SPG7: variants seen among roughly 807,000 people sequenced by gnomAD.
The protein encoded by SPG7 is SPG7 matrix AAA peptidase subunit, paraplegin.
A neutral mutation model predicts 81.9 loss-of-function variants in SPG7; 103 were observed. The observed-to-expected ratio is 1.26, with a 90% CI of 1.07 to 1.48. The LOEUF is 1.48. SPG7 is among the 40% of genes most tolerant of loss of function. The pLI, the probability that SPG7 is intolerant of heterozygous loss-of-function variation, is 0.00. For missense variants in SPG7, 1,241 were observed against 1,087.3 expected (o/e 1.14, Z -1.99); for synonymous variants, 534 against 444.2 (o/e 1.20, Z -2.54).
intron 4 of SPG7, among the ~76,000 whole-genome samples, chr16:89,525,664 G>A (rs974313979): frequency 3.3e-5 from 5 of 152,172 alleles, no homozygotes; most frequent in African/African-American, 4.8e-5. Flanking sequence ...TTAGGAAAAC[G>A]CTGCGTTTGG....
At chr16:89,523,719 T>A (rs2058222323) in intron 3 of SPG7, 4 of 539,918 alleles carry the variant, frequency 7.4e-6, no homozygotes, top group South Asian at 6.1e-5. Context: ...TGCACCGTTG[T>A]GCCCAGGTCT....
At chr16:89,545,252 G>A (rs1177012236) in intron 10 of SPG7, 3 of 278,728 alleles carry the variant, frequency 1.1e-5, no homozygotes, top group Non-Finnish European at 1.4e-5. Flanking sequence ...GAGGCCTCTC[G>A]CCTGATCCCT....
chr16:89,517,616 CTT>C (rs11318359), intron 3 of SPG7: 2,814 of 130,172 alleles, frequency 0.022, 87 homozygotes, highest in African/African-American at 0.075. Context: ...TTGTCGTCGT[CTT>C]TTTTTTTTTT....
rs2058261850 is a variant in SPG7 at position 89,526,463 on chromosome 16, T to C, written c.753T>C (p.Phe251=). 5 of 1,614,108 alleles carry C rather than the reference T, an allele frequency of 3.1e-6. No homozygotes were observed. The highest frequency in any genetic ancestry group is 2.7e-5 in the African/African-American group (2 of 74,946). The change falls in exon 5 of 17, where the codon TTT becomes TTC. Residue 251 remains phenylalanine (F), a synonymous_variant. Coordinates refer to ENST00000645818, the MANE Select transcript of SPG7 (RefSeq NM_003119.4). ...TTTCCTACAAGCGAACAGGATTCTTTGGAAAGTATGTTGGATGTATTTGTT... is the reference window on the plus strand; with the variant it reads ...TTTCCTACAAGCGAACAGGATTCTTCGGAAAGTATGTTGGATGTATTTGTT... ...IPVSYKRTGF[F]GNALYSVGMT...
chr16:89,554,659 A>C, intron 16 of SPG7, 96 bp downstream of exon 16: 1 of 794,234 alleles, frequency 1.3e-6, no homozygotes, highest in Non-Finnish European at 2.1e-6. Context: ...TCCAAGGCAC[A>C]CAGAGTACAG....
chr16:89,554,710 A>G (rs1428417999), intron 16 of SPG7, 147 bp downstream of exon 16: 6 of 668,032 alleles, frequency 9.0e-6, no homozygotes, highest in African/African-American at 1.8e-5. Flanking sequence ...AGCTCAACTG[A>G]AACTTACGTG....
chr16:89,532,557 G>A lies in SPG7; in HGVS notation c.1245G>A (p.Lys415=), dbSNP rs761775099. Reference sequence around the variant, plus strand: ...TCGATGAGATCGACGCGGTGGGCAAGAAGCGCTCCACCACCATGTCCGGCT... The same window carrying A: ...TCGATGAGATCGACGCGGTGGGCAAAAAGCGCTCCACCACCATGTCCGGCT... ...VYIDEIDAVG[K]KRSTTMSGFS... Residue 415 remains lysine (K), a synonymous_variant, in exon 9 of 17, where the codon AAG becomes AAA. Transcript: ENST00000645818. 1.1e-5 allele frequency: 17 copies of A among 1,613,792 alleles called. No individual in the cohort carries two copies. The highest frequency in any genetic ancestry group is 1.4e-5 in the Non-Finnish European group (17 of 1,180,038).
At chr16:89,553,209 T>C (rs2058654461) in intron 14 of SPG7, 74 bp downstream of exon 14, 2 of 1,376,036 alleles carry the variant, frequency 1.5e-6, no homozygotes, top group Non-Finnish European at 2.0e-6. Flanking sequence ...TTCCAGTGCA[T>C]GCCATGGGGT....
chr16:89,535,774 G>C (rs1035928333), intron 9 of SPG7, among the ~76,000 whole-genome samples: 8 of 152,280 alleles, frequency 5.3e-5, no homozygotes, highest in African/African-American at 1.7e-4. Flanking sequence ...GGCCTCTGGA[G>C]CCTACAGGCT....
intron 5 of SPG7, chr16:89,526,722 T>C: frequency 4.5e-6 from 2 of 442,784 alleles, no homozygotes; most frequent in East Asian, 4.9e-5. Flanking sequence ...CCTAAGCCCC[T>C]GGTGTAGGAT....
chr16:89,510,283 T>A (rs989675044), intron 1 of SPG7, among the ~76,000 whole-genome samples: 1 of 152,220 alleles, frequency 6.6e-6, no homozygotes, highest in South Asian at 2.1e-4. Flanking sequence ...CCAATTACTG[T>A]GTTTTAACCT....
chr16:89,531,234 C>T (rs1597632254), intron 7 of SPG7: 23 of 341,134 alleles, frequency 6.7e-5, no homozygotes, highest in South Asian at 5.6e-4. Flanking sequence ...ACATGTGTTC[C>T]CTCTGCAGGC....
rs532772733 is a variant in SPG7, at chr16:89,541,030, A to G, written c.1325-3618A>G. 6.1e-6 allele frequency: 6 copies of G among 985,002 alleles called. No homozygotes were observed. In the South Asian group the frequency reaches 2.4e-4, roughly 39 times the overall value. 61.0% of individuals were successfully genotyped at this position (985,002 alleles called of 1,614,324 possible). ...CGACTAGAAGAGCTGAAACTGGTGT[A>G]TCCTTATCACGGTGTTGTACGCAGA... On this transcript the variant is annotated intron_variant, in intron 9 of 16. Transcript: ENST00000645818.
chr16:89,511,987 C>T, intron 2 of SPG7, among the ~76,000 whole-genome samples: 1 of 152,096 alleles, frequency 6.6e-6, no homozygotes, highest in East Asian at 1.9e-4. Flanking sequence ...TCTCCGCTCA[C>T]TGCAAGCTCT....
At chr16:89,535,478 G>A (rs955427406) in intron 9 of SPG7, among the ~76,000 whole-genome samples, 7 of 152,190 alleles carry the variant, frequency 4.6e-5, no homozygotes, top group African/African-American at 7.2e-5. Flanking sequence ...CTTGTCCCCC[G>A]TGTCTCCAGT....
At chr16:89,541,184 T>C (rs1403840152) in intron 9 of SPG7, 2 of 796,052 alleles carry the variant, frequency 2.5e-6, no homozygotes, top group South Asian at 1.1e-4. Context: ...TGTATCCTTA[T>C]CACGGTGTTC....
intron 8 of SPG7, 101 bp downstream of exon 8, chr16:89,532,167 G>T: frequency 2.4e-6 from 3 of 1,272,734 alleles, no homozygotes; most frequent in Non-Finnish European, 3.4e-6. Context: ...ACACGGGTGG[G>T]TGGGGGAGTA....
At chr16:89,520,237 G>C (rs2058167240) in intron 3 of SPG7, 2 of 153,410 alleles carry the variant, frequency 1.3e-5, no homozygotes, top group Admixed American at 6.5e-5. Flanking sequence ...CCACAACACT[G>C]AAGGCGTGGC....
chr16:89,526,985 GCGAAGTCTCAGCCCCTGGTGTAAAATGC>G (rs2058272678), intron 5 of SPG7: 1 of 227,424 alleles, frequency 4.4e-6, no homozygotes, highest in Non-Finnish European at 8.9e-6. Context: ...ACGTAGGATG[GCGAAGTCTCAGCCCCTGGTGTAAAATGC>G]CGAAATCTTT....
Sources: allele counts gnomAD v4.1 joint callset (sites outside exome capture counted in the v4.1 genomes callset), GRCh38; gene constraint gnomAD v4.1.1; transcripts MANE v1.5; gene names NCBI Gene and HGNC (gene_info 2026-07-23, HGNC 2026-07-21).